Variants in MAGI1 observed in about 807,000 individuals in gnomAD.
MAGI1 encodes the protein membrane-associated guanylate kinase, WW and PDZ domain-containing protein 1.
Under a neutral mutation model 139.9 loss-of-function variants are expected in MAGI1, and 58 were observed. The observed-to-expected ratio is 0.41, with a 90% CI of 0.34 to 0.52. MAGI1 has a LOEUF of 0.52. Among genes scored for constraint, MAGI1 ranks in the 20% least tolerant of loss-of-function variants. The pLI is 0.12. For synonymous variants in MAGI1, 812 were observed against 737.9 expected (o/e 1.10, Z -1.63); for missense variants, 1,874 against 1,901.6 (o/e 0.99, Z 0.27).
intron 1 of MAGI1, among the ~76,000 whole-genome samples, chr3:65,785,949 T>C (rs1056822521): frequency 4.6e-5 from 7 of 151,936 alleles, no homozygotes; most frequent in African/African-American, 1.7e-4. Context: ...TTTTTTTTTT[T>C]TTCTTGAAAC....
chr3:65,984,711 T>TC (rs779519321), intron 1 of MAGI1, among the ~76,000 whole-genome samples: 1 of 20,932 alleles, frequency 4.8e-5, no homozygotes, highest in Non-Finnish European at 2.0e-4. Flanking sequence ...AATTTTTTTT[T>TC]CTTTTTTTTT....
At chr3:66,024,315 TAAAA>T (rs34593257) in intron 1 of MAGI1, among the ~76,000 whole-genome samples, 4,205 of 95,780 alleles carry the variant, frequency 0.044, 77 homozygotes, top group African/African-American at 0.064. Context: ...CAAAGTTCAT[TAAAA>T]AAAAAAAAAA....
intron 2 of MAGI1, among the ~76,000 whole-genome samples, chr3:65,612,817 A>C (rs1406993098): frequency 1.3e-5 from 2 of 152,182 alleles, no homozygotes; most frequent in Non-Finnish European, 2.9e-5. Flanking sequence ...TCCTTTCCTC[A>C]AAATAAATAA....
intron 2 of MAGI1, among the ~76,000 whole-genome samples, chr3:65,562,527 T>C (rs1358603391): frequency 4.6e-5 from 7 of 152,212 alleles, no homozygotes; most frequent in Non-Finnish European, 1.0e-4. Context: ...CTATCTCTGT[T>C]TCCCAGGCTA....
intron 1 of MAGI1, among the ~76,000 whole-genome samples, chr3:65,865,361 G>C (rs1185051312): frequency 6.6e-6 from 1 of 152,188 alleles, no homozygotes; most frequent in East Asian, 1.9e-4. Flanking sequence ...AGCACTTAGG[G>C]AGGACGAGGC....
chr3:65,893,456 G>A (rs915260668), intron 1 of MAGI1, among the ~76,000 whole-genome samples: 1 of 151,732 alleles, frequency 6.6e-6, no homozygotes, highest in Non-Finnish European at 1.5e-5. Context: ...GTTTCTTCAT[G>A]CATTCTCAAA....
At chr3:65,819,875 C>CAAACAAAAAAAAAAAAAAA (rs2041839832) in intron 1 of MAGI1, among the ~76,000 whole-genome samples, 1 of 33,454 alleles carries the variant, frequency 3.0e-5, no homozygotes, top group Non-Finnish European at 6.4e-5. Flanking sequence ...GACTCCATCT[C>CAAACAAAAAAAAAAAAAAA]AAAAAAAAAA....
intron 1 of MAGI1, among the ~76,000 whole-genome samples, chr3:65,814,353 T>C (rs754364779): frequency 5.3e-5 from 8 of 152,150 alleles, no homozygotes; most frequent in Non-Finnish European, 1.0e-4. Flanking sequence ...TACTCCATCA[T>C]AGAAGTTCTT....
chr3:65,509,306 G>T (rs535308503), intron 2 of MAGI1, among the ~76,000 whole-genome samples: 1 of 152,358 alleles, frequency 6.6e-6, no homozygotes, highest in African/African-American at 2.4e-5. Flanking sequence ...GAGGAGCCAA[G>T]ATGGCCGAAT....
chr3:65,785,434 C>T (rs1559880863), intron 1 of MAGI1, among the ~76,000 whole-genome samples: 1 of 152,154 alleles, frequency 6.6e-6, no homozygotes, highest in East Asian at 1.9e-4. Context: ...AAAATCATGA[C>T]TTATACACAG....
chr3:65,679,867 G>A (rs1437102103), intron 1 of MAGI1, among the ~76,000 whole-genome samples: 2 of 152,136 alleles, frequency 1.3e-5, no homozygotes, highest in Admixed American at 6.5e-5. Flanking sequence ...CAGTACTCTC[G>A]GTCTTGCATG....
In MAGI1 at chr3:65,851,183, G is replaced by A. The variant is rs554379221; in HGVS notation, c.313+186813C>T. 3.9e-5 allele frequency among the ~76,000 whole-genome samples: 6 copies of A among 152,276 alleles called. No individual in the cohort carries two copies. In the South Asian group the frequency reaches 1.0e-3, roughly 26 times the overall value. The stretch of plus-strand genomic sequence containing the variant: ...CTGTATGCCTGGTACCTAGAACTAT[G>A]CCTGGAGTTTGACTAAATGAGTAAT... On this transcript the variant is annotated intron_variant, in intron 1 of 22. Coordinates refer to ENST00000402939, the MANE Select transcript of MAGI1 (RefSeq NM_001033057.2).
intron 1 of MAGI1, among the ~76,000 whole-genome samples, chr3:66,024,773 T>C (rs1377843192): frequency 6.6e-6 from 1 of 152,110 alleles, no homozygotes; most frequent in East Asian, 1.9e-4. Context: ...ATCATTGCAC[T>C]CCAGCCTGGG....
rs544821985 is a variant in MAGI1 at position 65,374,400 on chromosome 3, C to T, written c.3196+1345G>A. The stretch of plus-strand genomic sequence containing the variant: ...TGGCGCAATCTCGGCTCACTGCAAC[C>T]TCCGCCTCCCAGGCTCAAGCGATTC... On this transcript the variant is annotated intron_variant, in intron 18 of 22. Transcript: ENST00000402939. 2.7e-5 allele frequency among the ~76,000 whole-genome samples: 4 copies of T among 150,444 alleles called. No homozygotes were observed. The South Asian group carries it at 8.4e-4, about 32-fold the overall frequency.
intron 1 of MAGI1, among the ~76,000 whole-genome samples, chr3:65,979,996 C>T (rs1314452312): frequency 6.6e-6 from 1 of 152,188 alleles, no homozygotes; most frequent in Non-Finnish European, 1.5e-5. Flanking sequence ...GGAAAAGCTG[C>T]TGAGCACATG....
intron 1 of MAGI1, among the ~76,000 whole-genome samples, chr3:65,831,347 T>G (rs764538682): frequency 1.3e-4 from 20 of 152,342 alleles, no homozygotes; most frequent in Non-Finnish European, 1.9e-4. Flanking sequence ...TAGCGTTACC[T>G]GGATGTTTTG....
At chr3:65,683,282 C>A (rs977961206) in intron 1 of MAGI1, among the ~76,000 whole-genome samples, 1 of 151,954 alleles carries the variant, frequency 6.6e-6, no homozygotes, top group Admixed American at 6.6e-5. Context: ...CCCTAATGTA[C>A]CCAATGGATT....
intron 5 of MAGI1, among the ~76,000 whole-genome samples, chr3:65,458,768 C>T (rs545013127): frequency 1.3e-5 from 2 of 152,258 alleles, no homozygotes; most frequent in East Asian, 3.9e-4. Flanking sequence ...GTTGTCTCCT[C>T]ACTTTGTTTC....
intron 1 of MAGI1, among the ~76,000 whole-genome samples, chr3:65,815,444 C>G (rs1255786466): frequency 6.6e-6 from 1 of 152,134 alleles, no homozygotes; most frequent in Non-Finnish European, 1.5e-5. Context: ...AGATGCCTTC[C>G]TACGCCAAAA....
Sources: gnomAD v4.1 joint callset for allele counts (sites outside exome capture counted in the v4.1 genomes callset) on GRCh38, gnomAD v4.1.1 for gene constraint, MANE v1.5 for transcripts, NCBI Gene and HGNC (gene_info 2026-07-23, HGNC 2026-07-21) for gene names.